The following SPATA13 variants were observed in gnomAD, a reference collection of about 807,000 sequenced individuals.
SPATA13 encodes spermatogenesis-associated protein 13.
A neutral mutation model predicts 104.0 loss-of-function variants in SPATA13; 50 were observed. That is an observed-to-expected ratio of 0.48 (90% CI 0.38 to 0.61). The LOEUF (loss-of-function observed/expected upper bound fraction) is 0.61, where lower values mean the gene tolerates loss of function less well. SPATA13 is among the 20% of genes least tolerant of loss of function. The pLI, the probability that SPATA13 is intolerant of heterozygous loss-of-function variation, is 0.00. For missense variants in SPATA13, 1,524 were observed against 1,690.6 expected, an observed-to-expected ratio of 0.90 and a Z score of 1.73; for synonymous variants, 606 against 667.5, an observed-to-expected ratio of 0.91 and a Z score of 1.42.
chr13:24,123,072 A>G, intron 3 of SPATA13: 1 of 952,184 alleles, frequency 1.1e-6, no homozygotes, highest in African/African-American at 1.6e-5. Flanking sequence ...TTCTACTGCA[A>G]TAGGAGTAAA....
At chr13:24,091,695 C>T (rs1879916359) in intron 3 of SPATA13, among the ~76,000 whole-genome samples, 2 of 152,148 alleles carry the variant, frequency 1.3e-5, no homozygotes, top group Non-Finnish European at 1.5e-5. Flanking sequence ...CCTGTAATCC[C>T]AGGTACTAAG....
rs1041229958 is a variant in SPATA13, at chr13:24,195,211, G to A, written c.-111-27608G>A. 7.2e-5 allele frequency among the ~76,000 whole-genome samples: 11 copies of A among 152,196 alleles called. 4 individuals carry two copies. Among genetic ancestry groups the A allele is most frequent in the Admixed American group, 7.2e-4 (11 of 15,298 alleles). On this transcript the variant is annotated intron_variant, in intron 1 of 12. Transcript: ENST00000382108. ...TATCAATGGAATTATACAATATGTGGCCTTTTGTGACTGGCTTCTTTTACT... is the reference window on the plus strand; with the variant it reads ...TATCAATGGAATTATACAATATGTGACCTTTTGTGACTGGCTTCTTTTACT...
intron 3 of SPATA13, among the ~76,000 whole-genome samples, chr13:24,099,057 C>A (rs1360377079): frequency 1.3e-5 from 2 of 152,132 alleles, no homozygotes; most frequent in African/African-American, 2.4e-5. Context: ...TTCACTCCTG[C>A]CTAGGTGACA....
At chr13:24,152,698 C>A (rs1593363109) in intron 3 of SPATA13, among the ~76,000 whole-genome samples, 1 of 152,322 alleles carries the variant, frequency 6.6e-6, no homozygotes, top group Non-Finnish European at 1.5e-5. Flanking sequence ...CACTCACCAT[C>A]ACCCGTTCTT....
chr13:24,227,733 C>T (rs1872025496), intron 2 of SPATA13, among the ~76,000 whole-genome samples: 1 of 151,866 alleles, frequency 6.6e-6, no homozygotes, highest in African/African-American at 2.4e-5. Context: ...AACATGCCAG[C>T]TTAATTTTTG....
chr13:24,143,059 A>G (rs1391575238), intron 3 of SPATA13, among the ~76,000 whole-genome samples: 3 of 152,208 alleles, frequency 2.0e-5, no homozygotes, highest in African/African-American at 7.2e-5. Context: ...AGGTGATCCC[A>G]GGAAGCACCT....
intron 11 of SPATA13, among the ~76,000 whole-genome samples, chr13:24,298,321 G>T (rs1357362988): frequency 6.6e-6 from 1 of 152,174 alleles, no homozygotes. Context: ...CTGCCCTCAT[G>T]CTTCCCATCT....
At chr13:24,243,254 T>C (rs1872948017) in intron 2 of SPATA13, among the ~76,000 whole-genome samples, 2 of 152,230 alleles carry the variant, frequency 1.3e-5, no homozygotes, top group Admixed American at 6.5e-5. Context: ...TTACGGCTCT[T>C]TTAAATCATC....
chr13:24,057,322 C>G (rs1878601890), intron 3 of SPATA13, among the ~76,000 whole-genome samples: 1 of 151,804 alleles, frequency 6.6e-6, no homozygotes, highest in African/African-American at 2.4e-5. Flanking sequence ...GCGCTTTGCA[C>G]TCCCACTGCA....
At chr13:24,290,996 G>A (rs1876313556) in intron 9 of SPATA13, 112 bp downstream of exon 9, 2 of 799,532 alleles carry the variant, frequency 2.5e-6, no homozygotes, top group African/African-American at 3.5e-5. Flanking sequence ...TAACACTTTG[G>A]GAGCTCCATG....
chr13:24,251,308 C>T (rs1593462506), intron 3 of SPATA13, among the ~76,000 whole-genome samples: 1 of 152,188 alleles, frequency 6.6e-6, no homozygotes. Context: ...AGATGGCCAC[C>T]CTGGCCGGGT....
intron 1 of SPATA13, among the ~76,000 whole-genome samples, chr13:23,980,710 C>A (rs1874846709): frequency 6.6e-6 from 1 of 152,056 alleles, no homozygotes; most frequent in Non-Finnish European, 1.5e-5. Flanking sequence ...TCCTGCCTCA[C>A]CCTCCCGAGT....
At chr13:24,283,048 T>C (rs780231383) in intron 4 of SPATA13, among the ~76,000 whole-genome samples, 2 of 152,218 alleles carry the variant, frequency 1.3e-5, no homozygotes, top group Non-Finnish European at 1.5e-5. Context: ...TGCAGTCTTG[T>C]CTTTCATGAG....
At chr13:24,048,878 A>G (rs2137738588) in intron 3 of SPATA13, among the ~76,000 whole-genome samples, 2 of 152,318 alleles carry the variant, frequency 1.3e-5, no homozygotes, top group African/African-American at 4.8e-5. Context: ...AAATAGCTTC[A>G]GATAACTTCT....
chr13:24,165,164 G>T (rs373920732), intron 1 of SPATA13, among the ~76,000 whole-genome samples: 9 of 152,228 alleles, frequency 5.9e-5, no homozygotes, highest in African/African-American at 2.2e-4. Flanking sequence ...CTGACTTCTT[G>T]GTGAGCAATC....
At chr13:24,053,477 C>T (rs565977983) in intron 3 of SPATA13, among the ~76,000 whole-genome samples, 1 of 152,268 alleles carries the variant, frequency 6.6e-6, no homozygotes, top group South Asian at 2.1e-4. Context: ...ATTGAGCAAG[C>T]CGTTCTTACC....
chr13:24,041,807 G>A (rs1020111919), intron 3 of SPATA13, among the ~76,000 whole-genome samples: 7 of 152,184 alleles, frequency 4.6e-5, no homozygotes, highest in African/African-American at 9.7e-5. Flanking sequence ...GAAAGCGTGA[G>A]ACAGGTAAGG....
intron 1 of SPATA13, among the ~76,000 whole-genome samples, chr13:24,175,869 A>G (rs1256340097): frequency 6.6e-6 from 1 of 152,258 alleles, no homozygotes; most frequent in Non-Finnish European, 1.5e-5. Context: ...CGATTACTAG[A>G]AAACATAAAT....
intron 3 of SPATA13, among the ~76,000 whole-genome samples, chr13:24,120,666 A>G (rs1881004761): frequency 1.3e-5 from 2 of 152,356 alleles, no homozygotes; most frequent in Admixed American, 1.3e-4. Context: ...ATTAATGCTT[A>G]TGAATTGGCA....
Sources: gnomAD v4.1 joint callset for allele counts (sites outside exome capture counted in the v4.1 genomes callset) on GRCh38, gnomAD v4.1.1 for gene constraint, MANE v1.5 for transcripts, NCBI Gene and HGNC (gene_info 2026-07-23, HGNC 2026-07-21) for gene names.